The following RTN4 variants were observed in gnomAD, a reference collection of about 807,000 sequenced individuals.
RTN4 encodes reticulon-4.
RTN4 carries 32 observed loss-of-function variants against 90.4 expected under a neutral mutation model. The observed-to-expected ratio is 0.35, with a 90% CI of 0.27 to 0.48. The LOEUF is 0.48. Ranked by LOEUF, RTN4 falls within the 20% of genes least tolerant of loss-of-function variation. The probability of loss-of-function intolerance (pLI) is 0.99; values close to 1 mark genes in which losing one functional copy is unlikely to be tolerated. For missense variants in RTN4, 1,706 were observed against 1,430.2 expected, an observed-to-expected ratio of 1.19 and a Z score of -3.11; for synonymous variants, 629 against 552.5, an observed-to-expected ratio of 1.14 and a Z score of -1.94.
Position 55,049,997 on chromosome 2 carries a change from G to C in RTN4, c.304C>G (p.Pro102Ala). The change falls in exon 1 of 9, where the codon CCG becomes GCG. Residue 102 changes from proline (P) to alanine (A), a missense_variant. Transcript: ENST00000337526. ...GGGTCCCAAGACGGCTGCCGCTCCG[G>C]GGCGACGGGGGGAGCGGCCGGCAGG... Reference protein sequence around the residue: ...GPLPAAPPVAPERQPSWDPSP... With the variant: ...GPLPAAPPVAAERQPSWDPSP... The C allele has an allele frequency of 7.3e-7, 1 of 1,376,884 alleles. No individual in the cohort carries two copies. The highest frequency in any genetic ancestry group is 9.3e-7 in the Non-Finnish European group (1 of 1,072,546). 85.3% of individuals were successfully genotyped at this position (1,376,884 alleles called of 1,614,324 possible).
chr2:54,974,786 C>T (rs749922855), intron 5 of RTN4, 22 bp from the exon 6 acceptor site: 1 of 1,593,656 alleles, frequency 6.3e-7, no homozygotes, highest in Non-Finnish European at 8.6e-7. Context: ...TAACATTAGC[C>T]CATTATAAAC....
At chr2:55,010,038 T>G in intron 3 of RTN4, 1 of 1,577,578 alleles carries the variant, frequency 6.3e-7, no homozygotes, top group Non-Finnish European at 8.7e-7. Flanking sequence ...TAGAAATATA[T>G]TAGTGGTCAC....
At chr2:55,136,618 T>C in the RTN4 span, among the ~76,000 whole-genome samples, 1 of 152,266 alleles carries the variant, frequency 6.6e-6, no homozygotes, top group African/African-American at 2.4e-5. Context: ...CAGACCCATA[T>C]GGATTCACTG....
chr2:55,048,236 G>A (rs1667879810), intron 1 of RTN4, among the ~76,000 whole-genome samples: 1 of 152,226 alleles, frequency 6.6e-6, no homozygotes, highest in Non-Finnish European at 1.5e-5. Flanking sequence ...CCTGGAAGCT[G>A]CTGTGGACGT....
At chr2:55,116,841 T>G (rs2105073796), upstream of RTN4, among the ~76,000 whole-genome samples, 1 of 151,964 alleles carries the variant, frequency 6.6e-6, no homozygotes, top group South Asian at 2.1e-4. Context: ...AACTCTCCTT[T>G]ATGCATAGCT....
chr2:55,108,999 C>T (rs1194731616), intron 1 of RTN4, among the ~76,000 whole-genome samples: 1 of 152,062 alleles, frequency 6.6e-6, no homozygotes, highest in African/African-American at 2.4e-5. Context: ...TGACAGCAGG[C>T]TCAGCTGGAC....
intron 1 of RTN4, among the ~76,000 whole-genome samples, chr2:55,045,526 T>C (rs1243451391): frequency 6.6e-6 from 1 of 152,232 alleles, no homozygotes; most frequent in African/African-American, 2.4e-5. Flanking sequence ...TTGAATATTG[T>C]CACCAATTTT....
rs1247226970 is a variant in RTN4, at chr2:55,025,844, G to A, written c.2255C>T (p.Ser752Leu). The change falls in exon 3 of 9, where the codon TCA (serine) becomes TTA (leucine). Residue 752 changes from serine (S) to leucine (L), a missense_variant. Transcript: ENST00000337526. ...SEPVDLFSDD[S>L]IPDVPQKQDE... The stretch of plus-strand genomic sequence containing the variant: ...TTGTTTTTGTGGAACGTCAGGTATT[G>A]AATCATCACTAAATAAGTCAACTGG... 6.2e-7 allele frequency: 1 copy of A among 1,613,700 alleles called. No individual in the cohort carries two copies. The highest frequency in any genetic ancestry group is 2.2e-5 in the East Asian group (1 of 44,860).
At chr2:55,074,532 A>AG (rs1485391944) in intron 2 of RTN4, among the ~76,000 whole-genome samples, 4 of 151,642 alleles carry the variant, frequency 2.6e-5, no homozygotes, top group South Asian at 4.1e-4. Flanking sequence ...AAAAAAAAAA[A>AG]AAAAGAAAAT....
At chr2:54,984,965 A>C (rs1270124552) in intron 4 of RTN4, among the ~76,000 whole-genome samples, 1 of 152,050 alleles carries the variant, frequency 6.6e-6, no homozygotes, top group Non-Finnish European at 1.5e-5. Context: ...AAAATGAATA[A>C]AGTTGTTTCT....
intron 1 of RTN4, among the ~76,000 whole-genome samples, chr2:55,036,497 G>T (rs1186971317): frequency 1.3e-5 from 2 of 149,598 alleles, no homozygotes; most frequent in Non-Finnish European, 3.0e-5. Flanking sequence ...AGCTACTCAG[G>T]AGGCTGAGGC....
the RTN4 span, among the ~76,000 whole-genome samples, chr2:55,127,232 AG>A: frequency 6.6e-6 from 1 of 152,210 alleles, no homozygotes; most frequent in African/African-American, 2.4e-5. Context: ...CCAGGACAAA[AG>A]CTGCCCCAAG....
chr2:55,041,168 C>T (rs1357846017), intron 1 of RTN4, among the ~76,000 whole-genome samples: 1 of 151,602 alleles, frequency 6.6e-6, no homozygotes, highest in Middle Eastern at 3.2e-3. Flanking sequence ...AGCCAAATAC[C>T]TGTATAATTC....
At chr2:54,991,525 C>T (rs1213281983) in intron 3 of RTN4, among the ~76,000 whole-genome samples, 2 of 152,162 alleles carry the variant, frequency 1.3e-5, no homozygotes, top group African/African-American at 2.4e-5. Flanking sequence ...TCAGTTTTAT[C>T]GTCCATAAAG....
At chr2:55,041,521 G>C (rs1558843479) in intron 1 of RTN4, among the ~76,000 whole-genome samples, 1 of 152,022 alleles carries the variant, frequency 6.6e-6, no homozygotes, top group Non-Finnish European at 1.5e-5. Context: ...TGTGTGAACT[G>C]ACAGATAAAT....
chr2:55,081,782 G>C (rs1047017708), intron 1 of RTN4, among the ~76,000 whole-genome samples: 2 of 148,324 alleles, frequency 1.3e-5, no homozygotes, highest in African/African-American at 5.0e-5. Flanking sequence ...AGAATCACTC[G>C]AGCCTGGCAG....
chr2:55,050,309 G>A lies in RTN4; in HGVS notation c.-9C>T. The A allele has an allele frequency of 1.4e-6, 2 of 1,408,116 alleles. No individual in the cohort carries two copies. The highest frequency in any genetic ancestry group is 2.8e-5 in the East Asian group (1 of 36,324). The allele number at this position is 1,408,116 out of a possible 1,614,324, so 87.2% of individuals were successfully genotyped here. A position where few individuals can be genotyped will look rare whatever the true frequency, so the allele number is the denominator to read the frequency against. ...TGGTCCAGGTCTTCCATGGCTGGAG[G>A]GTGGAGATGATGCTGCAGCTGCTGC... On this transcript the variant is annotated 5_prime_UTR_variant, in exon 1 of 9. Coordinates refer to ENST00000337526, the MANE Select transcript of RTN4 (RefSeq NM_020532.5). The surrounding 1 kb of genome is among the most constrained non-coding windows in gnomAD (Gnocchi z 4.6).
chr2:55,008,884 T>A (rs1680431794), intron 3 of RTN4, among the ~76,000 whole-genome samples: 1 of 152,150 alleles, frequency 6.6e-6, no homozygotes, highest in Non-Finnish European at 1.5e-5. Flanking sequence ...CATATATCAA[T>A]TCATCAATCT....
At chr2:55,134,419 TCAGTAATAAGACTCCCC>T in the RTN4 span, among the ~76,000 whole-genome samples, 8 of 152,090 alleles carry the variant, frequency 5.3e-5, no homozygotes, top group African/African-American at 1.7e-4. Context: ...CCAAGGCCAC[TCAGTAATAAGACTCCCC>T]CAGGTCCAAA....
Sources: allele counts gnomAD v4.1 joint callset (sites outside exome capture counted in the v4.1 genomes callset), GRCh38; gene constraint gnomAD v4.1.1; non-coding constraint Gnocchi (gnomAD v3.1); transcripts MANE v1.5; gene names NCBI Gene and HGNC (gene_info 2026-07-23, HGNC 2026-07-21).